The following PRCP variants were observed in gnomAD, a reference collection of about 807,000 sequenced individuals.
The protein encoded by PRCP is lysosomal Pro-X carboxypeptidase.
A neutral mutation model predicts 54.2 loss-of-function variants in PRCP; 46 were observed. That is an observed-to-expected ratio of 0.85 (90% CI 0.67 to 1.09). The LOEUF (loss-of-function observed/expected upper bound fraction) is 1.09. Among genes scored for constraint, PRCP ranks in the 50% least tolerant of loss-of-function variants. The pLI is 0.00. For missense variants in PRCP, 613 were observed against 596.8 expected, an observed-to-expected ratio of 1.03 and a Z score of -0.28; for synonymous variants, 240 against 212.2, an observed-to-expected ratio of 1.13 and a Z score of -1.14.
At chr11:82,839,138 G>T in intron 7 of PRCP, 123 bp downstream of exon 7, 1 of 955,184 alleles carries the variant, frequency 1.0e-6, no homozygotes, top group Non-Finnish European at 1.6e-6. Context: ...CACAGCATAA[G>T]GTAACAGAGC....
In PRCP at chr11:82,900,368, G is replaced by A; in HGVS notation, c.35C>T (p.Ser12Phe). 6.2e-7 allele frequency: 1 copy of A among 1,614,006 alleles called. No homozygotes were observed. Among genetic ancestry groups the A allele is most frequent in the East Asian group, 2.2e-5 (1 of 44,892 alleles). Reference sequence around the variant, plus strand: ...TATGGTGGCCCAGGGCGCCAGAAAAGACAGAAGCAGGAGCAGGAGGGCTCG... The same window carrying A: ...TATGGTGGCCCAGGGCGCCAGAAAAAACAGAAGCAGGAGCAGGAGGGCTCG... ...GRRALLLLLL[S>F]FLAPWATIAL... is the part of the protein sequence containing the mutation. The change falls in exon 1 of 9, where the codon TCT (serine) becomes TTT (phenylalanine). Residue 12 changes from serine to phenylalanine, a missense_variant. Coordinates refer to ENST00000313010, the MANE Select transcript of PRCP (RefSeq NM_005040.4).
At chr11:82,870,061 A>C (rs904667747) in intron 1 of PRCP, among the ~76,000 whole-genome samples, 2 of 152,254 alleles carry the variant, frequency 1.3e-5, no homozygotes, top group Admixed American at 6.5e-5. Context: ...ATATTACCTA[A>C]AATATAATTG....
At chr11:82,855,826 CTA>C (rs1181905687) in intron 2 of PRCP, among the ~76,000 whole-genome samples, 2 of 152,032 alleles carry the variant, frequency 1.3e-5, no homozygotes, top group Admixed American at 1.3e-4. Flanking sequence ...GTTAGGATGG[CTA>C]TTATTAAAAA....
intron 3 of PRCP, among the ~76,000 whole-genome samples, chr11:82,851,982 C>T (rs891281965): frequency 1.3e-5 from 2 of 152,054 alleles, no homozygotes; most frequent in East Asian, 1.9e-4. Context: ...CTATAATATC[C>T]TTCATGCTAC....
rs188966323 is a variant in PRCP at position 82,832,282 on chromosome 11, G to A, written c.1274+6105C>T. ...TCTAGATCCTGGAGGAATTGCCACA[G>A]TCTTCCACAATAGTTGAACTAATTT... is the stretch of plus-strand genomic sequence containing the variant. On this transcript the variant is annotated intron_variant, in intron 8 of 8. Coordinates refer to ENST00000313010, the MANE Select transcript of PRCP (RefSeq NM_005040.4). Among the ~76,000 whole-genome samples, 974 of 152,194 alleles carry A rather than the reference G, an allele frequency of 6.4e-3. 2 individuals are homozygous for A. The highest frequency in any genetic ancestry group is 0.021 in the Middle Eastern group (6 of 292).
intron 1 of PRCP, among the ~76,000 whole-genome samples, chr11:82,865,388 T>C (rs549273941): frequency 3.3e-5 from 5 of 152,342 alleles, no homozygotes; most frequent in Non-Finnish European, 2.9e-5. Flanking sequence ...AACAGTTACA[T>C]TGCAGAATAT....
intron 2 of PRCP, among the ~76,000 whole-genome samples, chr11:82,858,065 G>A (rs758279712): frequency 6.6e-6 from 1 of 152,180 alleles, no homozygotes; most frequent in Non-Finnish European, 1.5e-5. Flanking sequence ...GCTTTGAGAG[G>A]AGGCAATTTC....
intron 6 of PRCP, among the ~76,000 whole-genome samples, chr11:82,841,303 T>C (rs1231799695): frequency 6.7e-6 from 1 of 149,526 alleles, no homozygotes; most frequent in Non-Finnish European, 1.5e-5. Context: ...AAAGAGAAAA[T>C]GAATTTTCAG....
chr11:82,835,246 AAGTCTAATAAG>A (rs1268058825), intron 8 of PRCP, among the ~76,000 whole-genome samples: 6 of 152,212 alleles, frequency 3.9e-5, no homozygotes, highest in South Asian at 4.1e-4. Context: ...TGAGTCTAAT[AAGTCTAATAAG>A]AGTCTAATAA....
intron 1 of PRCP, among the ~76,000 whole-genome samples, chr11:82,868,742 T>G (rs1338847446): frequency 6.6e-6 from 1 of 151,998 alleles, no homozygotes; most frequent in Non-Finnish European, 1.5e-5. Context: ...GGAGATGAGA[T>G]TAGACTCACT....
At chr11:82,897,981 A>G (rs1288938626) in intron 1 of PRCP, among the ~76,000 whole-genome samples, 1 of 152,222 alleles carries the variant, frequency 6.6e-6, no homozygotes, top group Non-Finnish European at 1.5e-5. Flanking sequence ...TTTAATAATA[A>G]GTTTATTACT....
At chr11:82,884,396 A>G (rs1327411659) in intron 1 of PRCP, among the ~76,000 whole-genome samples, 1 of 152,106 alleles carries the variant, frequency 6.6e-6, no homozygotes, top group Non-Finnish European at 1.5e-5. Flanking sequence ...CATCTCTACA[A>G]AAAAATACAA....
intron 1 of PRCP, among the ~76,000 whole-genome samples, chr11:82,863,267 T>C (rs984912344): frequency 6.6e-6 from 1 of 152,234 alleles, no homozygotes; most frequent in African/African-American, 2.4e-5. Flanking sequence ...CTTCTCTTGT[T>C]CTAGGTTTCA....
At chr11:82,856,447 T>C (rs1333657703) in intron 2 of PRCP, among the ~76,000 whole-genome samples, 1 of 152,182 alleles carries the variant, frequency 6.6e-6, no homozygotes, top group Non-Finnish European at 1.5e-5. Flanking sequence ...TGTTCTCACT[T>C]ATAAGCAGGA....
At chr11:82,867,077 T>C (rs1859355472) in intron 1 of PRCP, among the ~76,000 whole-genome samples, 1 of 152,220 alleles carries the variant, frequency 6.6e-6, no homozygotes, top group African/African-American at 2.4e-5. Context: ...GGTTCTTGTG[T>C]TTCTGATTAT....
chr11:82,825,334 G>A (rs1858201214), intron 8 of PRCP: 1 of 543,626 alleles, frequency 1.8e-6, no homozygotes, highest in East Asian at 3.4e-5. Flanking sequence ...AAAAGAACCA[G>A]AGATAATTGA....
chr11:82,853,338 C>A (rs1256676160), intron 2 of PRCP, 60 bp from the exon 3 acceptor site: 3 of 1,435,364 alleles, frequency 2.1e-6, no homozygotes, highest in Non-Finnish European at 2.9e-6. Context: ...GTCACTGAAC[C>A]TTTTGGCAAA....
intron 1 of PRCP, among the ~76,000 whole-genome samples, chr11:82,887,520 T>C (rs547779359): frequency 2.5e-4 from 38 of 152,346 alleles, no homozygotes; most frequent in African/African-American, 8.7e-4. Context: ...GTATTGATAC[T>C]ATGTCAACTA....
chr11:82,830,240 G>C (rs1272633302), intron 8 of PRCP: 1 of 151,668 alleles, frequency 6.6e-6, no homozygotes, highest in East Asian at 1.9e-4. Context: ...ACCACCAAGA[G>C]GTAAATGAAT....
Sources: allele counts gnomAD v4.1 joint callset (sites outside exome capture counted in the v4.1 genomes callset), GRCh38; gene constraint gnomAD v4.1.1; transcripts MANE v1.5; gene names NCBI Gene and HGNC (gene_info 2026-07-23, HGNC 2026-07-21).